The following SAGE1 variants were observed in gnomAD, a reference collection of about 807,000 sequenced individuals.
The protein encoded by SAGE1 is cancer/testis antigen 14.
In SAGE1, 55 loss-of-function variants were observed where a neutral mutation model predicts 55.4. That is an observed-to-expected ratio of 0.99 (90% confidence interval 0.80 to 1.24). The LOEUF (loss-of-function observed/expected upper bound fraction) is 1.24, where lower values mean the gene tolerates loss of function less well. SAGE1 is among the 50% of genes most tolerant of loss of function. SAGE1 has a pLI of 0.00. For missense variants in SAGE1, 710 were observed against 704.4 expected (o/e 1.01, Z -0.09); for synonymous variants, 240 against 244.3 (o/e 0.98, Z 0.17).
intron 5 of SAGE1, 46 bp from the exon 6 acceptor site, chrX:135,905,978 C>T (rs1556600413): frequency 4.5e-6 from 5 of 1,107,263 alleles, no homozygotes; most frequent in Non-Finnish European, 6.1e-6. Context: ...GTGGCACTGA[C>T]GTAATGCACT....
chrX:135,911,693 G>C lies in SAGE1; in HGVS notation c.2261G>C (p.Cys754Ser), dbSNP rs146646613. 1.8e-5 allele frequency: 22 copies of C among 1,206,802 alleles called. No individual in the cohort carries two copies. In the African/African-American group the frequency reaches 3.3e-4, roughly 18 times the overall value. The change falls in exon 18 of 20, where the codon TGT becomes TCT. Residue 754 changes from cysteine to serine, a missense_variant. Transcript: ENST00000370709. ...SPELINMTGH[C>S]MPPNALDSFS... ...GAGCTGATAAATATGACAGGACATT[G>C]TATGCCACCCAATGCATTGGATTCT...
rs782364722 is a variant in SAGE1 at position 135,906,416 on chromosome X, A to G, written c.601A>G (p.Thr201Ala). The G allele has an allele frequency of 8.3e-7, 1 of 1,209,787 alleles. No individual in the cohort carries two copies. Among genetic ancestry groups the G allele is most frequent in the Admixed American group, 2.2e-5 (1 of 45,775 alleles). The stretch of plus-strand genomic sequence containing the variant: ...CCTCTTCCTTTGGTTTCCAGATGCT[A>G]CAGTCACTCACAATGTCTGTGAACA... Reference protein sequence around the residue: ...PAMSARDLYATVTHNVCEQKM... With the variant: ...PAMSARDLYAAVTHNVCEQKM... The change falls in exon 7 of 20, where the codon ACA becomes GCA. Residue 201 changes from threonine to alanine, a missense_variant. Thr to Ala is a moderately conservative substitution (Grantham distance 58). Coordinates refer to ENST00000370709, the MANE Select transcript of SAGE1 (RefSeq NM_001381902.1).
rs1205180516 is a variant in SAGE1 at position 135,907,372 on chromosome X, A to G, written c.937A>G (p.Asn313Asp). 2 of 1,207,145 alleles carry G rather than the reference A, an allele frequency of 1.7e-6. No homozygotes were observed. Among genetic ancestry groups the G allele is most frequent in the Non-Finnish European group, 1.1e-6 (1 of 891,722 alleles). ...EKMENDQPQPNNVLSTVQPVI... is the reference protein window; with the variant it reads ...EKMENDQPQPDNVLSTVQPVI... ...GATGGAAAATGACCAACCGCAACCT[A>G]ATAACGTATTGTCAACTGTTCAACC... The change falls in exon 9 of 20, where the codon AAT becomes GAT. Residue 313 changes from asparagine to aspartate, a missense_variant. Transcript: ENST00000370709.
chrX:135,908,124 A>C lies in SAGE1; in HGVS notation c.1195A>C (p.Lys399Gln). The change falls in exon 11 of 20, where the codon AAA becomes CAA. Residue 399 changes from lysine to glutamine, a missense_variant. Lys to Gln is a moderately conservative substitution (Grantham distance 53). Coordinates refer to ENST00000370709, the MANE Select transcript of SAGE1 (RefSeq NM_001381902.1). ...CATTCACAATCTGCGTGAAGAGAAG[A>C]AAGATAACAGCCAACCAACCCCTGA... ...TIIHNLREEK[K>Q]DNSQPTPDNV... 2 of 1,210,274 alleles carry C rather than the reference A, an allele frequency of 1.7e-6. No individual in the cohort carries two copies. The highest frequency in any genetic ancestry group is 2.2e-6 in the Non-Finnish European group (2 of 894,560).
intron 10 of SAGE1, 67 bp from the exon 11 acceptor site, chrX:135,908,022 G>T (rs1399595189): frequency 6.2e-6 from 7 of 1,134,658 alleles, no homozygotes; most frequent in African/African-American, 1.8e-5. Flanking sequence ...AGCATCAGAG[G>T]GGGTATTCCT....
chrX:135,910,282 G>A, intron 15 of SAGE1, 112 bp downstream of exon 15: 2 of 1,034,418 alleles, frequency 1.9e-6, no homozygotes, highest in Non-Finnish European at 2.7e-6. Flanking sequence ...CAATTTTAGG[G>A]TTCTCAGATT....
chrX:135,898,086 C>T (rs375583883), intron 2 of SAGE1, among the ~76,000 whole-genome samples: 3 of 111,723 alleles, frequency 2.7e-5, no homozygotes, highest in East Asian at 5.6e-4. Context: ...GGCATGATCT[C>T]GGCTCACTGC....
Position 135,907,155 on chromosome X carries a change from A to G in SAGE1, c.877+89A>G, listed in dbSNP as rs1390872070. ...GGGGAGATGGAGGTTTTGTTGTATCATCTATCTTGAGCTCAATTTGAGGGG... is the reference window on the plus strand; with the variant it reads ...GGGGAGATGGAGGTTTTGTTGTATCGTCTATCTTGAGCTCAATTTGAGGGG... On this transcript the variant is annotated intron_variant, in intron 8 of 19. Coordinates refer to ENST00000370709, the MANE Select transcript of SAGE1 (RefSeq NM_001381902.1). 26 of 1,068,665 alleles carry G rather than the reference A, an allele frequency of 2.4e-5. No individual in the cohort carries two copies. The African/African-American group carries it at 3.9e-4, about 16-fold the overall frequency. 88.1% of individuals were successfully genotyped at this position (1,068,665 alleles called of 1,213,427 possible).
intron 1 of SAGE1, among the ~76,000 whole-genome samples, 194 bp downstream of exon 1, chrX:135,893,975 A>G (rs1171826215): frequency 8.9e-6 from 1 of 111,949 alleles, no homozygotes; most frequent in Non-Finnish European, 1.9e-5. Context: ...CTTGGCTTGT[A>G]TTTCTGGGGA....
At chrX:135,902,822 C>T (rs1488199124) in intron 3 of SAGE1, among the ~76,000 whole-genome samples, 2 of 112,011 alleles carry the variant, frequency 1.8e-5, no homozygotes, top group Admixed American at 1.9e-4. Context: ...ATTCTGCATC[C>T]AACCATTTCT....
chrX:135,894,813 C>A (rs2088558478), intron 1 of SAGE1, among the ~76,000 whole-genome samples: 1 of 110,878 alleles, frequency 9.0e-6, no homozygotes, highest in Non-Finnish European at 1.9e-5. Context: ...TCATTTCGAC[C>A]AGTTAACCAG....
chrX:135,896,427 CT>C, intron 2 of SAGE1, 98 bp downstream of exon 2: 1 of 571,869 alleles, frequency 1.7e-6, no homozygotes, highest in Non-Finnish European at 2.8e-6. Flanking sequence ...TGTTAATTCT[CT>C]TGATTTAAAA....
At position 135,912,837 on chromosome X, in the gene SAGE1, G is replaced by A. The variant is rs147248332; in HGVS notation, c.2655G>A (p.Ala885=). 325 of 1,208,176 alleles carry A rather than the reference G, an allele frequency of 2.7e-4. 1 individual carries two copies. The African/African-American group carries it at 5.0e-3, about 19-fold the overall frequency. Residue 885 remains alanine, a synonymous_variant, in exon 20 of 20, where the codon GCG becomes GCA. Coordinates refer to ENST00000370709, the MANE Select transcript of SAGE1 (RefSeq NM_001381902.1). ...KVVLIQQLEK[A]LKEIDSHCHL... The stretch of plus-strand genomic sequence containing the variant: ...TCTTAATTCAGCAACTCGAGAAGGC[G>A]CTTAAAGAAATAGATTCCCACTGCC...
At position 135,912,390 on chromosome X, in the gene SAGE1, A is replaced by T; in HGVS notation, c.2591A>T (p.Glu864Val). ...GSMKVKRQFV[E>V]FTIKEAARFK... ...ATGAAAGTCAAGAGACAATTTGTTG[A>T]ATTTACCATCAAGGAAGCAGCAAGG... Residue 864 changes from glutamate (E) to valine (V), a missense_variant, in exon 19 of 20, where the codon GAA (glutamate) becomes GTA (valine). Physicochemically the swap from Glu to Val is moderately radical, Grantham distance 121. Coordinates refer to ENST00000370709, the MANE Select transcript of SAGE1 (RefSeq NM_001381902.1). 3 of 1,206,173 alleles carry T rather than the reference A, an allele frequency of 2.5e-6. No homozygotes were observed. Among genetic ancestry groups the T allele is most frequent in the Non-Finnish European group, 3.4e-6 (3 of 893,727 alleles).
rs782010763 is a variant in SAGE1 at position 135,893,771 on chromosome X, G to A, written c.-11G>A. Among the ~76,000 whole-genome samples the A allele has an allele frequency of 2.7e-5, 3 of 111,906 alleles. No homozygotes were observed. Among genetic ancestry groups the A allele is most frequent in the Admixed American group, 9.4e-5 (1 of 10,642 alleles). On this transcript the variant is annotated 5_prime_UTR_variant, in exon 1 of 20. Transcript: ENST00000370709. ...GGAACACAGAACCTTCTCACACAGC[G>A]GGATAAAAGGGTGAATTTGGAGCTG...
chrX:135,905,293 A>G lies in SAGE1; in HGVS notation c.355A>G (p.Asn119Asp), dbSNP rs782218638. Residue 119 changes from asparagine to aspartate, a missense_variant, in exon 5 of 20, where the codon AAT becomes GAT. Transcript: ENST00000370709. ...CAATATCCGTGAAGAGAGGATGGAAAATGGCCAATCTCGAACTGACAAAGT... is the reference window on the plus strand; with the variant it reads ...CAATATCCGTGAAGAGAGGATGGAAGATGGCCAATCTCGAACTGACAAAGT... ...AHNIREERMENGQSRTDKVLS... is the reference protein window; with the variant it reads ...AHNIREERMEDGQSRTDKVLS... 2.8e-5 allele frequency: 34 copies of G among 1,206,884 alleles called. No homozygotes were observed. The South Asian group carries it at 5.7e-4, about 20-fold the overall frequency.
chrX:135,910,652 T>C (rs1017260853), intron 16 of SAGE1, 97 bp downstream of exon 16: 7 of 834,437 alleles, frequency 8.4e-6, no homozygotes, highest in Middle Eastern at 4.4e-4. Flanking sequence ...TATTCTTTCC[T>C]AGCCTCAGTT....
chrX:135,902,709 C>A (rs1603131257), intron 3 of SAGE1, among the ~76,000 whole-genome samples: 1 of 111,962 alleles, frequency 8.9e-6, no homozygotes, highest in African/African-American at 3.2e-5. Context: ...CTTAGTAGTT[C>A]TAGTCAAAAT....
chrX:135,908,128 A>T lies in SAGE1; in HGVS notation c.1199A>T (p.Asp400Val). 8.3e-7 allele frequency: 1 copy of T among 1,210,013 alleles called. No homozygotes were observed. Among genetic ancestry groups the T allele is most frequent in the Non-Finnish European group, 1.1e-6 (1 of 894,398 alleles). ...IIHNLREEKKDNSQPTPDNVL... is the reference protein window; with the variant it reads ...IIHNLREEKKVNSQPTPDNVL... Reference sequence around the variant, plus strand: ...CACAATCTGCGTGAAGAGAAGAAAGATAACAGCCAACCAACCCCTGATAAC... The same window carrying T: ...CACAATCTGCGTGAAGAGAAGAAAGTTAACAGCCAACCAACCCCTGATAAC... The change falls in exon 11 of 20, where the codon GAT becomes GTT. Residue 400 changes from aspartate (D) to valine (V), a missense_variant. By Grantham distance (152) the Asp-to-Val change is radical. Transcript: ENST00000370709.
Sources: allele counts gnomAD v4.1 joint callset (sites outside exome capture counted in the v4.1 genomes callset), GRCh38; gene constraint gnomAD v4.1.1; transcripts MANE v1.5; gene names NCBI Gene and HGNC (gene_info 2026-07-23, HGNC 2026-07-21).